The following RAB3C variants were observed in gnomAD, a reference collection of about 807,000 sequenced individuals.
RAB3C encodes RAB3C, member RAS oncogene family.
In RAB3C, 17 loss-of-function variants were observed where a neutral mutation model predicts 26.4. The observed-to-expected ratio is 0.64, with a 90% CI of 0.44 to 0.97. RAB3C has a LOEUF of 0.97. RAB3C is among the 50% of genes least tolerant of loss of function. The probability of loss-of-function intolerance (pLI) is 0.00; values close to 1 mark genes in which losing one functional copy is unlikely to be tolerated. For missense variants in RAB3C, 242 were observed against 281.9 expected (o/e 0.86, Z 1.01); for synonymous variants, 91 against 95.9 (o/e 0.95, Z 0.30).
At chr5:58,783,201 C>T (rs6876978) in intron 3 of RAB3C, among the ~76,000 whole-genome samples, 3,978 of 152,124 alleles carry the variant, frequency 0.026, 154 homozygotes, top group African/African-American at 0.089. Flanking sequence ...ACAAATGCTC[C>T]CCAATCATAA....
chr5:58,715,391 A>G (rs1321006662), intron 2 of RAB3C, among the ~76,000 whole-genome samples: 1 of 152,020 alleles, frequency 6.6e-6, no homozygotes, highest in Non-Finnish European at 1.5e-5. Flanking sequence ...TGACTGACCT[A>G]AGCTTAAGGA....
At chr5:58,685,043 C>T (rs1001490784) in intron 2 of RAB3C, among the ~76,000 whole-genome samples, 4 of 152,042 alleles carry the variant, frequency 2.6e-5, no homozygotes, top group Admixed American at 6.5e-5. Flanking sequence ...AAAGAGAAAT[C>T]CTTAAGCTTA....
At chr5:58,637,066 G>C (rs1747304570) in intron 2 of RAB3C, among the ~76,000 whole-genome samples, 1 of 150,012 alleles carries the variant, frequency 6.7e-6, no homozygotes, top group African/African-American at 2.5e-5. Context: ...CATGTTGAGA[G>C]AGCATTATCA....
intron 2 of RAB3C, among the ~76,000 whole-genome samples, chr5:58,683,361 T>G (rs1201503197): frequency 6.9e-6 from 1 of 144,792 alleles, no homozygotes; most frequent in Non-Finnish European, 1.5e-5. Flanking sequence ...TTTTTCTGTT[T>G]AAAAATAAAG....
At chr5:58,784,003 G>A (rs1261079256) in intron 3 of RAB3C, among the ~76,000 whole-genome samples, 2 of 152,100 alleles carry the variant, frequency 1.3e-5, no homozygotes, top group African/African-American at 2.4e-5. Context: ...ATATGGGAAG[G>A]CACTTTTATT....
Position 58,839,381 on chromosome 5 carries a change from AT to A in RAB3C, c.497-11777del, listed in dbSNP as rs1454072954. 2.6e-3 allele frequency among the ~76,000 whole-genome samples: 378 copies of A among 147,978 alleles called. 3 individuals carry two copies. Among genetic ancestry groups the A allele is most frequent in the African/African-American group, 8.5e-3 (340 of 40,018 alleles). ...TATTTATTTATTTATTTATTTATTT[AT>A]TTTTTGAGACAGAGTTTTGCTGTTG... On this transcript the variant is annotated intron_variant, in intron 4 of 4. Transcript: ENST00000282878.
intron 4 of RAB3C, among the ~76,000 whole-genome samples, chr5:58,833,448 T>C (rs1026314616): frequency 2.0e-5 from 3 of 152,086 alleles, no homozygotes; most frequent in African/African-American, 7.2e-5. Context: ...CAGCCATGGT[T>C]GAGAACCCTT....
chr5:58,784,847 A>C (rs954426916), intron 3 of RAB3C: 3 of 152,254 alleles, frequency 2.0e-5, no homozygotes, highest in Non-Finnish European at 2.9e-5. Flanking sequence ...TCAGATCTAA[A>C]GGAAAGCACG....
chr5:58,596,813 T>C (rs1365145966), intron 1 of RAB3C, among the ~76,000 whole-genome samples: 4 of 96,298 alleles, frequency 4.2e-5, no homozygotes, highest in African/African-American at 1.7e-4. Context: ...TAATATATAA[T>C]ACATAATATA....
At chr5:58,727,772 T>C (rs1381258003) in intron 3 of RAB3C, among the ~76,000 whole-genome samples, 7 of 152,104 alleles carry the variant, frequency 4.6e-5, no homozygotes, top group African/African-American at 1.7e-4. Flanking sequence ...CCAGAAGTGC[T>C]ATTATAAGTT....
At chr5:58,648,895 T>C (rs1337459983) in intron 2 of RAB3C, among the ~76,000 whole-genome samples, 1 of 152,200 alleles carries the variant, frequency 6.6e-6, no homozygotes, top group Non-Finnish European at 1.5e-5. Context: ...TTCTGTCTTA[T>C]GGCTTGTGGC....
At position 58,663,206 on chromosome 5, in the gene RAB3C, A is replaced by G. The variant is rs187545824; in HGVS notation, c.252+45336A>G. On this transcript the variant is annotated intron_variant, in intron 2 of 4. Transcript: ENST00000282878. ...GCTTCTTTTTTTTTTCAAATTAAAA[A>G]GAAAGCATGGTTTAGAGAATTAAAA... 3.7e-3 allele frequency among the ~76,000 whole-genome samples: 552 copies of G among 150,382 alleles called. 6 individuals are homozygous for G. The highest frequency in any genetic ancestry group is 0.021 in the South Asian group (103 of 4,826).
chr5:58,785,395 C>A (rs144100000), intron 3 of RAB3C, among the ~76,000 whole-genome samples: 6 of 152,310 alleles, frequency 3.9e-5, no homozygotes, highest in African/African-American at 1.4e-4. Flanking sequence ...AATTATTTAA[C>A]CTCTCTGAGC....
chr5:58,857,864 C>CTAGATAA lies in RAB3C; in HGVS notation c.*6513_*6514insTAGATAA, dbSNP rs1472121882. 5 of 152,144 alleles carry CTAGATAA rather than the reference C, an allele frequency of 3.3e-5. No individual in the cohort carries two copies. Among genetic ancestry groups the CTAGATAA allele is most frequent in the Non-Finnish European group, 7.4e-5 (5 of 68,020 alleles). The allele number at this position is 152,144 out of a possible 1,614,324, so 9.4% of individuals were successfully genotyped here. ...TGAGATGCAAAATCAAGAACTGAAG[C>CTAGATAA]CTAGTTGCTAGATAACGAAAAGCTA... On this transcript the variant is annotated 3_prime_UTR_variant, in exon 5 of 5. Transcript: ENST00000282878.
chr5:58,856,002 C>T lies in RAB3C; in HGVS notation c.*4651C>T, dbSNP rs1372403287. The T allele has an allele frequency of 6.6e-6, 1 of 152,002 alleles. No individual in the cohort carries two copies. Among genetic ancestry groups the T allele is most frequent in the East Asian group, 1.9e-4 (1 of 5,184 alleles). The allele number at this position is 152,002 out of a possible 1,614,324, so 9.4% of individuals were successfully genotyped here. ...TCCCTTTGATAGATTGAAATATTTG[C>T]TTTTAGATTACACATACAGTGCTGC... On this transcript the variant is annotated 3_prime_UTR_variant, in exon 5 of 5. Transcript: ENST00000282878.
chr5:58,787,063 GA>G (rs2112009138), intron 3 of RAB3C, among the ~76,000 whole-genome samples: 2 of 152,258 alleles, frequency 1.3e-5, no homozygotes, highest in South Asian at 4.1e-4. Context: ...TCTTAAAGGT[GA>G]AATGAGTGGC....
intron 2 of RAB3C, among the ~76,000 whole-genome samples, chr5:58,702,069 C>T (rs541301645): frequency 3.3e-5 from 5 of 152,172 alleles, no homozygotes; most frequent in Admixed American, 6.5e-5. Flanking sequence ...TCCCAGGCCT[C>T]GGCAACAGCT....
intron 2 of RAB3C, among the ~76,000 whole-genome samples, chr5:58,675,560 G>T (rs1748205553): frequency 6.7e-6 from 1 of 149,822 alleles, no homozygotes; most frequent in Non-Finnish European, 1.5e-5. Flanking sequence ...ACTGAAATGA[G>T]AAGGAAATGT....
chr5:58,703,485 T>G (rs1748888741), intron 2 of RAB3C, among the ~76,000 whole-genome samples: 1 of 152,200 alleles, frequency 6.6e-6, no homozygotes, highest in African/African-American at 2.4e-5. Flanking sequence ...TCTGGCCATG[T>G]TTATTCTTTT....
Sources: allele counts gnomAD v4.1 joint callset (sites outside exome capture counted in the v4.1 genomes callset), GRCh38; gene constraint gnomAD v4.1.1; transcripts MANE v1.5; gene names NCBI Gene and HGNC (gene_info 2026-07-23, HGNC 2026-07-21).